Variants in MAP2K7 observed in about 807,000 individuals in gnomAD.
MAP2K7 encodes mitogen-activated protein kinase kinase 7.
A neutral mutation model predicts 47.7 loss-of-function variants in MAP2K7; 12 were observed. That is an observed-to-expected ratio of 0.25 (90% CI 0.16 to 0.41). The LOEUF (loss-of-function observed/expected upper bound fraction) is 0.41, where lower values mean the gene tolerates loss of function less well. Among genes scored for constraint, MAP2K7 ranks in the 10% least tolerant of loss-of-function variants. The pLI, the probability that MAP2K7 is intolerant of heterozygous loss-of-function variation, is 1.00. For missense variants in MAP2K7, 415 were observed against 600.3 expected (o/e 0.69, Z 3.23); for synonymous variants, 299 against 243.0 (o/e 1.23, Z -2.14).
rs1017100190 is a variant in MAP2K7 at position 7,913,769 on chromosome 19, A to AG, written c.*1339dup. On this transcript the variant is annotated 3_prime_UTR_variant, in exon 11 of 11. Transcript: ENST00000397979. Reference sequence around the variant, plus strand: ...AGAAAAAATAACAAAACAAAAAACAAGAAAAAAAAAACACAAAACCCCGTA... The same window carrying AG: ...AGAAAAAATAACAAAACAAAAAACAAGGAAAAAAAAAACACAAAACCCCGTA... The AG allele has an allele frequency of 2.0e-5, 3 of 152,246 alleles. No homozygotes were observed. Among genetic ancestry groups the AG allele is most frequent in the African/African-American group, 7.3e-5 (3 of 41,366 alleles). The allele number at this position is 152,246 out of a possible 1,614,324, so 9.4% of individuals were successfully genotyped here.
chr19:7,912,568 G>A lies in MAP2K7; in HGVS notation c.*137G>A, dbSNP rs1451928815. The A allele has an allele frequency of 1.9e-6, 2 of 1,058,806 alleles. No individual in the cohort carries two copies. The highest frequency in any genetic ancestry group is 2.6e-6 in the Non-Finnish European group (2 of 757,524). 65.6% of individuals were successfully genotyped at this position (1,058,806 alleles called of 1,614,324 possible). ...CTAGGACTGAGGACAGAGAGTGGGGGGTGCCCACCCACCCCCCCCGCCCCG... is the reference window on the plus strand; with the variant it reads ...CTAGGACTGAGGACAGAGAGTGGGGAGTGCCCACCCACCCCCCCCGCCCCG... On this transcript the variant is annotated 3_prime_UTR_variant, in exon 11 of 11. Coordinates refer to ENST00000397979, the MANE Select transcript of MAP2K7 (RefSeq NM_145185.4).
At chr19:7,912,112 C>G in intron 9 of MAP2K7, 37 bp from the exon 10 acceptor site, 1 of 1,607,082 alleles carries the variant, frequency 6.2e-7, no homozygotes, top group Non-Finnish European at 8.5e-7. Flanking sequence ...CCCCTCCTCC[C>G]TCGTTCTCAC....
At chr19:7,907,294 GC>G (rs1982526900) in intron 1 of MAP2K7, among the ~76,000 whole-genome samples, 2 of 152,310 alleles carry the variant, frequency 1.3e-5, no homozygotes, top group South Asian at 4.1e-4. Flanking sequence ...GGGGTGCCTG[GC>G]CCTGTGAGTG....
At position 7,911,236 on chromosome 19, in the gene MAP2K7, TC is replaced by T. The variant is rs548806971; in HGVS notation, c.856-6del. 3.5e-3 allele frequency: 5,561 copies of T among 1,574,418 alleles called. 16 individuals are homozygous for T. Among genetic ancestry groups the T allele is most frequent in the Admixed American group, 8.8e-3 (522 of 59,108 alleles). On this transcript the variant is annotated splice_polypyrimidine_tract_variant and intron_variant, in intron 7 of 10. Transcript: ENST00000397979. ...CCAGCCTTGGAGATACGTCTTCTCC[TC>T]CCCCCCCTGCAGCCCGAGCGCATTG...
intron 1 of MAP2K7, chr19:7,906,010 G>A (rs2145130262): frequency 2.7e-6 from 2 of 732,106 alleles, no homozygotes; most frequent in Admixed American, 4.0e-5. Flanking sequence ...CACTCAAGCA[G>A]CGGTCAGCCC....
rs541936336 is a variant in MAP2K7 at position 7,912,536 on chromosome 19, C to T, written c.*105C>T. 163 of 1,367,802 alleles carry T rather than the reference C, an allele frequency of 1.2e-4. 1 individual carries two copies. Among genetic ancestry groups the T allele is most frequent in the East Asian group, 1.1e-3 (46 of 40,012 alleles). 84.7% of individuals were successfully genotyped at this position (1,367,802 alleles called of 1,614,324 possible). On this transcript the variant is annotated 3_prime_UTR_variant, in exon 11 of 11. Coordinates refer to ENST00000397979, the MANE Select transcript of MAP2K7 (RefSeq NM_145185.4). ...TGCCAGGGGAGACCTGGGACCTGGA[C>T]GGCCACCTAGGACTGAGGACAGAGA...
In MAP2K7 at chr19:7,912,329, G is replaced by A; in HGVS notation, c.1158G>A (p.Leu386=). The change falls in exon 11 of 11, where the codon CTG becomes CTA. Residue 386 remains leucine, a synonymous_variant. Coordinates refer to ENST00000397979, the MANE Select transcript of MAP2K7 (RefSeq NM_145185.4). ...EHSFIKRYET[L]EVDVASWFKD... is the part of the protein sequence containing the mutation. The stretch of plus-strand genomic sequence containing the variant: ...GCTTCATCAAGCGCTACGAGACGCT[G>A]GAGGTGGACGTGGCGTCCTGGTTCA... 6.2e-7 allele frequency: 1 copy of A among 1,613,662 alleles called. No individual in the cohort carries two copies.
In MAP2K7 at chr19:7,909,999, G is replaced by T. The variant is rs1484708357; in HGVS notation, c.267-64G>T. On this transcript the variant is annotated intron_variant, in intron 2 of 10. Coordinates refer to ENST00000397979, the MANE Select transcript of MAP2K7 (RefSeq NM_145185.4). Reference sequence around the variant, plus strand: ...TAAACCGGTGGGAACCCCGGTATGGGGGACTGGGGTGGCCAACCTAAGGTC... The same window carrying T: ...TAAACCGGTGGGAACCCCGGTATGGTGGACTGGGGTGGCCAACCTAAGGTC... 2.6e-6 allele frequency: 4 copies of T among 1,524,086 alleles called. No homozygotes were observed. The East Asian group carries it at 7.3e-5, about 28-fold the overall frequency. The allele number at this position is 1,524,086 out of a possible 1,614,324, so 94.4% of individuals were successfully genotyped here. A position where few individuals can be genotyped will look rare whatever the true frequency, so the allele number is the denominator to read the frequency against.
At position 7,914,236 on chromosome 19, in the gene MAP2K7, C is replaced by G. The variant is rs1983146556; in HGVS notation, c.*1805C>G. ...ACCCCCTTCAGTGTTAAGTGGGGAGCCCTGGGGGAGTCTCTCCTGCCTCCC... is the reference window on the plus strand; with the variant it reads ...ACCCCCTTCAGTGTTAAGTGGGGAGGCCTGGGGGAGTCTCTCCTGCCTCCC... On this transcript the variant is annotated 3_prime_UTR_variant, in exon 11 of 11. Coordinates refer to ENST00000397979, the MANE Select transcript of MAP2K7 (RefSeq NM_145185.4). 6.6e-6 allele frequency: 1 copy of G among 152,254 alleles called. No homozygotes were observed. Among genetic ancestry groups the G allele is most frequent in the Non-Finnish European group, 1.5e-5 (1 of 67,996 alleles). 9.4% of individuals were successfully genotyped at this position (152,254 alleles called of 1,614,324 possible).
Position 7,910,980 on chromosome 19 carries a change from A to G in MAP2K7, c.676A>G (p.Ile226Val). ...TGCACCCCCCTCTGCGTGCCTGCAGATTGTGAAGGCGCTGTACTACCTGAA... is the reference window on the plus strand; with the variant it reads ...TGCACCCCCCTCTGCGTGCCTGCAGGTTGTGAAGGCGCTGTACTACCTGAA... ...ERILGKMTVA[I>V]VKALYYLKEK... is the part of the protein sequence containing the mutation. Residue 226 changes from isoleucine (I) to valine (V), a missense_variant and splice_region_variant, in exon 7 of 11, where the codon ATT becomes GTT. Ile to Val is a conservative substitution (Grantham distance 29, BLOSUM62 3). This residue lies in a region of MAP2K7 where 206 missense variants were observed against 368.8 expected (regional missense o/e 0.56). Coordinates refer to ENST00000397979, the MANE Select transcript of MAP2K7 (RefSeq NM_145185.4). The G allele has an allele frequency of 6.2e-7, 1 of 1,606,078 alleles. No individual in the cohort carries two copies. The highest frequency in any genetic ancestry group is 8.5e-7 in the Non-Finnish European group (1 of 1,174,466).
In MAP2K7 at chr19:7,912,368, G is replaced by C. The variant is rs755243664; in HGVS notation, c.1197G>C (p.Ala399=). 1.9e-6 allele frequency: 3 copies of C among 1,613,156 alleles called. No individual in the cohort carries two copies. The East Asian group carries it at 6.7e-5, about 36-fold the overall frequency. The change falls in exon 11 of 11, where the codon GCG becomes GCC. Residue 399 remains alanine, a synonymous_variant. Transcript: ENST00000397979. ...CGTCCTGGTTCAAGGATGTCATGGC[G>C]AAGACTGAGTCACCGCGGACTAGCG... ...DVASWFKDVM[A]KTESPRTSGV... is the part of the protein sequence containing the mutation.
intron 1 of MAP2K7, among the ~76,000 whole-genome samples, chr19:7,907,490 C>T (rs1418893659): frequency 6.6e-6 from 1 of 152,210 alleles, no homozygotes; most frequent in Non-Finnish European, 1.5e-5. Context: ...CAGCCTCTCG[C>T]TCTCTCTCAT....
intron 9 of MAP2K7, 57 bp from the exon 10 acceptor site, chr19:7,912,092 G>A: frequency 6.5e-7 from 1 of 1,547,150 alleles, no homozygotes; most frequent in Non-Finnish European, 8.9e-7. Flanking sequence ...CACAGGGGTG[G>A]GGCCGGCATC....
In MAP2K7 at chr19:7,912,412, A is replaced by T; in HGVS notation, c.1241A>T (p.His414Leu). The change falls in exon 11 of 11, where the codon CAC becomes CTC. Residue 414 changes from histidine (H) to leucine (L), a missense_variant. His to Leu is a moderately conservative substitution (Grantham distance 99). Transcript: ENST00000397979. ...PRTSGVLSQPHLPFFR is the reference protein window; with the variant it reads ...PRTSGVLSQPLLPFFR Reference sequence around the variant, plus strand: ...ACTAGCGGCGTCCTGAGCCAGCCCCACCTGCCCTTCTTCAGGTAGCTGCTT... The same window carrying T: ...ACTAGCGGCGTCCTGAGCCAGCCCCTCCTGCCCTTCTTCAGGTAGCTGCTT... 1 of 1,612,242 alleles carries T rather than the reference A, an allele frequency of 6.2e-7. No individual in the cohort carries two copies. The highest frequency in any genetic ancestry group is 1.1e-5 in the South Asian group (1 of 91,056).
chr19:7,909,681 TG>T, intron 1 of MAP2K7, 73 bp from the exon 2 acceptor site: 1 of 885,766 alleles, frequency 1.1e-6, no homozygotes. Flanking sequence ...GACCCCTCCC[TG>T]GAGTGCCAGA....
chr19:7,912,175 C>T lies in MAP2K7; in HGVS notation c.1106C>T (p.Pro369Leu). The T allele has an allele frequency of 6.2e-7, 1 of 1,614,014 alleles. No homozygotes were observed. Among genetic ancestry groups the T allele is most frequent in the Non-Finnish European group, 8.5e-7 (1 of 1,179,980 alleles). Residue 369 changes from proline (P) to leucine (L), a missense_variant, in exon 10 of 11, where the codon CCA becomes CTA. Physicochemically the swap from Pro to Leu is moderately conservative, Grantham distance 98. Coordinates refer to ENST00000397979, the MANE Select transcript of MAP2K7 (RefSeq NM_145185.4). Reference sequence around the variant, plus strand: ...CTTACTAAAGATCACAGGAAGAGACCAAAGTATAATAAGCTACTTGTGAGT... The same window carrying T: ...CTTACTAAAGATCACAGGAAGAGACTAAAGTATAATAAGCTACTTGTGAGT... ...DCLTKDHRKR[P>L]KYNKLLEHSF...
In MAP2K7 at chr19:7,904,035, A is replaced by G; in HGVS notation, c.91A>G (p.Asn31Asp). The stretch of plus-strand genomic sequence containing the variant: ...GGAGGCCCGGCGGAGGATCGACCTC[A>G]ACCTGGATATCAGCCCCCAGCGGCC... ...NREARRRIDL[N>D]LDISPQRPRP... Residue 31 changes from asparagine (N) to aspartate (D), a missense_variant, in exon 1 of 11, where the codon AAC becomes GAC. This residue lies in a region of MAP2K7 where 115 missense variants were observed against 126.2 expected (regional missense o/e 0.91). Coordinates refer to ENST00000397979, the MANE Select transcript of MAP2K7 (RefSeq NM_145185.4). The G allele has an allele frequency of 7.3e-7, 1 of 1,378,314 alleles. No individual in the cohort carries two copies. Among genetic ancestry groups the G allele is most frequent in the East Asian group, 4.5e-5 (1 of 22,020 alleles). 85.4% of individuals were successfully genotyped at this position (1,378,314 alleles called of 1,614,324 possible). A position where few individuals can be genotyped will look rare whatever the true frequency, so the allele number is the denominator to read the frequency against.
At chr19:7,904,543 C>A in intron 1 of MAP2K7, 1 of 243,020 alleles carries the variant, frequency 4.1e-6, no homozygotes, top group Non-Finnish European at 8.7e-6. Flanking sequence ...CTCGGGGACA[C>A]CTGAGGTTAC....
At chr19:7,905,181 A>G (rs529077143) in intron 1 of MAP2K7, among the ~76,000 whole-genome samples, 1 of 152,176 alleles carries the variant, frequency 6.6e-6, no homozygotes, top group Admixed American at 6.5e-5. Context: ...TGACCCAGTA[A>G]AATTCTCTCT....
Sources: gnomAD v4.1 joint callset for allele counts (sites outside exome capture counted in the v4.1 genomes callset) on GRCh38, gnomAD v4.1.1 for gene constraint, gnomAD v4.1.1 regional missense constraint, MANE v1.5 for transcripts, NCBI Gene and HGNC (gene_info 2026-07-23, HGNC 2026-07-21) for gene names.